Variants in SLIT2 observed in about 807,000 individuals in gnomAD.
SLIT2 encodes the protein slit homolog 2 protein.
Under a neutral mutation model 185.7 loss-of-function variants are expected in SLIT2, and 41 were observed. That is an observed-to-expected ratio of 0.22 (90% CI 0.17 to 0.29). The LOEUF (loss-of-function observed/expected upper bound fraction) is 0.29, where lower values mean the gene tolerates loss of function less well. SLIT2 is among the 10% of genes least tolerant of loss of function. SLIT2 has a pLI of 1.00. For missense variants in SLIT2, 1,571 were observed against 1,909.0 expected (o/e 0.82, Z 3.30); for synonymous variants, 693 against 680.2 (o/e 1.02, Z -0.29).
At chr4:20,542,934 A>G (rs145759759) in intron 21 of SLIT2, among the ~76,000 whole-genome samples, 1,560 of 151,800 alleles carry the variant, frequency 0.01, 15 homozygotes, top group Non-Finnish European at 0.019. Context: ...ATGGTAAAAT[A>G]TAAGGTATCT....
chr4:20,301,500 C>A (rs1717035256), intron 4 of SLIT2, among the ~76,000 whole-genome samples: 1 of 152,146 alleles, frequency 6.6e-6, no homozygotes, highest in Admixed American at 6.5e-5. Flanking sequence ...CATACTAACT[C>A]TATTGTACCT....
In SLIT2 at chr4:20,379,745, A is replaced by G. The variant is rs545153527; in HGVS notation, c.396-88007A>G. Among the ~76,000 whole-genome samples, 87 of 152,326 alleles carry G rather than the reference A, an allele frequency of 5.7e-4. No individual in the cohort carries two copies. In the South Asian group the frequency reaches 0.014, roughly 25 times the overall value. On this transcript the variant is annotated intron_variant, in intron 4 of 36. Transcript: ENST00000504154. ...TAGTTTCAGAGATTGAACAATAATA[A>G]GCAGGACAGGAGAGAAATTTATGAG...
intron 33 of SLIT2, among the ~76,000 whole-genome samples, chr4:20,600,160 T>G (rs1418375495): frequency 6.6e-6 from 1 of 152,128 alleles, no homozygotes; most frequent in African/African-American, 2.4e-5. Flanking sequence ...TAATTTTTTT[T>G]TAATTTATTT....
chr4:20,547,891 A>G (rs1723393921), intron 22 of SLIT2, among the ~76,000 whole-genome samples: 1 of 152,054 alleles, frequency 6.6e-6, no homozygotes, highest in African/African-American at 2.4e-5. Flanking sequence ...CATTAAACAA[A>G]TATTTATTGA....
chr4:20,461,375 TAGAG>T (rs765223218), intron 4 of SLIT2, among the ~76,000 whole-genome samples: 10 of 152,050 alleles, frequency 6.6e-5, no homozygotes, highest in East Asian at 3.9e-4. Flanking sequence ...GTGGCTGAAA[TAGAG>T]AGAATGAAAG....
chr4:20,257,724 T>C (rs2109008775), intron 2 of SLIT2, 144 bp from the exon 3 acceptor site: 1 of 627,966 alleles, frequency 1.6e-6, no homozygotes, highest in East Asian at 2.9e-5. Context: ...GATATATTAT[T>C]ATTAAATTTG....
chr4:20,278,692 CAA>C (rs1714419904), intron 4 of SLIT2, among the ~76,000 whole-genome samples: 1 of 150,722 alleles, frequency 6.6e-6, no homozygotes, highest in Non-Finnish European at 1.5e-5. Context: ...GAGTGAAAGA[CAA>C]GAGAAAGAGA....
intron 4 of SLIT2, among the ~76,000 whole-genome samples, chr4:20,388,913 AATAT>A (rs1273484034): frequency 6.9e-6 from 1 of 145,442 alleles, no homozygotes; most frequent in Non-Finnish European, 1.5e-5. Context: ...ATATACATAT[AATAT>A]ATATAATATA....
intron 4 of SLIT2, among the ~76,000 whole-genome samples, chr4:20,321,148 CAAAA>C (rs1206177029): frequency 6.6e-6 from 1 of 151,846 alleles, no homozygotes; most frequent in Non-Finnish European, 1.5e-5. Context: ...CAAAACAAAA[CAAAA>C]AAAACTAAAG....
intron 4 of SLIT2, among the ~76,000 whole-genome samples, chr4:20,420,105 T>C (rs1414380018): frequency 6.6e-6 from 1 of 152,162 alleles, no homozygotes; most frequent in Non-Finnish European, 1.5e-5. Flanking sequence ...TACTCATCCT[T>C]CTTTAGGCTC....
At chr4:20,583,170 T>A (rs1190840172) in intron 29 of SLIT2, among the ~76,000 whole-genome samples, 3 of 152,220 alleles carry the variant, frequency 2.0e-5, no homozygotes, top group African/African-American at 7.2e-5. Flanking sequence ...AATATCTTTC[T>A]CCTCCTCCTC....
At chr4:20,526,884 G>A (rs1041729266) in intron 15 of SLIT2, among the ~76,000 whole-genome samples, 11 of 152,182 alleles carry the variant, frequency 7.2e-5, no homozygotes, top group East Asian at 5.8e-4. Flanking sequence ...TTACTGTTCC[G>A]TTGAATGCAG....
intron 4 of SLIT2, among the ~76,000 whole-genome samples, chr4:20,454,305 A>T (rs1460618712): frequency 6.6e-6 from 1 of 152,110 alleles, no homozygotes; most frequent in Non-Finnish European, 1.5e-5. Flanking sequence ...TCTAACACAT[A>T]CTGTTATTAG....
At chr4:20,437,914 CAAAAAAAAAAAA>C (rs1224604666) in intron 4 of SLIT2, among the ~76,000 whole-genome samples, 16 of 65,596 alleles carry the variant, frequency 2.4e-4, no homozygotes, top group African/African-American at 8.4e-4. Context: ...GACTCCGTCT[CAAAAAAAAAAAA>C]AAAAAAAAAA....
chr4:20,499,881 G>A (rs1718559443), intron 9 of SLIT2, among the ~76,000 whole-genome samples: 1 of 152,076 alleles, frequency 6.6e-6, no homozygotes, highest in South Asian at 2.1e-4. Context: ...ATAATTATAA[G>A]TACTCATCAA....
intron 4 of SLIT2, among the ~76,000 whole-genome samples, chr4:20,465,607 A>T (rs1334965896): frequency 6.6e-6 from 1 of 152,158 alleles, no homozygotes; most frequent in African/African-American, 2.4e-5. Context: ...AGACACTCTA[A>T]CACTTTTGCA....
At chr4:20,422,565 A>G (rs56264247) in intron 4 of SLIT2, among the ~76,000 whole-genome samples, 32,468 of 152,118 alleles carry the variant, frequency 0.21, 3,774 homozygotes, top group Non-Finnish European at 0.27. Context: ...TAATGTTAAC[A>G]GGTAAATAAC....
intron 4 of SLIT2, among the ~76,000 whole-genome samples, chr4:20,441,063 A>G (rs1729703946): frequency 2.0e-5 from 3 of 151,898 alleles, no homozygotes; most frequent in African/African-American, 7.3e-5. Flanking sequence ...AAGCCTCCAA[A>G]AAAAAAAAAA....
chr4:20,500,558 A>G (rs905770576), intron 9 of SLIT2, among the ~76,000 whole-genome samples: 13 of 152,304 alleles, frequency 8.5e-5, no homozygotes, highest in African/African-American at 2.6e-4. Context: ...AATATAGATG[A>G]CATAGTACTC....
Sources: gnomAD v4.1 joint callset for allele counts (sites outside exome capture counted in the v4.1 genomes callset) on GRCh38, gnomAD v4.1.1 for gene constraint, MANE v1.5 for transcripts, NCBI Gene and HGNC (gene_info 2026-07-23, HGNC 2026-07-21) for gene names.